Variants in ARHGAP6 observed in about 807,000 individuals in gnomAD.
ARHGAP6 encodes rho GTPase-activating protein 6.
A neutral mutation model predicts 55.7 loss-of-function variants in ARHGAP6; 16 were observed. The observed-to-expected ratio is 0.29, with a 90% CI of 0.19 to 0.44. ARHGAP6 has a LOEUF of 0.44. Ranked by LOEUF, ARHGAP6 falls within the 20% of genes least tolerant of loss-of-function variation. ARHGAP6 has a pLI of 1.00. For missense variants in ARHGAP6, 698 were observed against 808.9 expected, an observed-to-expected ratio of 0.86 and a Z score of 1.66; for synonymous variants, 382 against 360.9, an observed-to-expected ratio of 1.06 and a Z score of -0.66.
intron 1 of ARHGAP6, among the ~76,000 whole-genome samples, chrX:11,366,228 T>A (rs1172255604): frequency 8.9e-6 from 1 of 111,978 alleles, no homozygotes; most frequent in Non-Finnish European, 1.9e-5. Context: ...GTTGAAGAAA[T>A]GTGTAAGTGG....
At chrX:11,155,586 T>G (rs2045853235) in intron 10 of ARHGAP6, among the ~76,000 whole-genome samples, 1 of 111,703 alleles carries the variant, frequency 9.0e-6, no homozygotes, top group Non-Finnish European at 1.9e-5. Flanking sequence ...AGGTACGGGA[T>G]TACGTTAGGA....
At chrX:11,353,522 C>G (rs1314174538) in intron 1 of ARHGAP6, among the ~76,000 whole-genome samples, 1 of 105,914 alleles carries the variant, frequency 9.4e-6, no homozygotes, top group Admixed American at 1.0e-4. Flanking sequence ...TCAGAAACAA[C>G]CTGTCTCAGG....
intron 1 of ARHGAP6, among the ~76,000 whole-genome samples, chrX:11,389,801 G>A (rs769053562): frequency 9.0e-6 from 1 of 111,730 alleles, no homozygotes; most frequent in African/African-American, 3.2e-5. Flanking sequence ...CAAATACAGT[G>A]AGAAATAATA....
intron 1 of ARHGAP6, among the ~76,000 whole-genome samples, chrX:11,260,469 G>T (rs1014353733): frequency 9.0e-6 from 1 of 111,431 alleles, no homozygotes; most frequent in Admixed American, 9.6e-5. Flanking sequence ...CATCACCAAT[G>T]ATTTGTGCTG....
At chrX:11,628,540 A>T (rs1172519625) in intron 1 of ARHGAP6, among the ~76,000 whole-genome samples, 2 of 112,743 alleles carry the variant, frequency 1.8e-5, no homozygotes, top group Non-Finnish European at 3.8e-5. Context: ...ATACGTGCAA[A>T]TGGTAGCAAG....
At chrX:11,256,870 A>G (rs1245616007) in intron 1 of ARHGAP6, among the ~76,000 whole-genome samples, 2 of 111,749 alleles carry the variant, frequency 1.8e-5, no homozygotes, top group African/African-American at 6.5e-5. Context: ...GGAGGAGCTC[A>G]GGGAGGGTGA....
chrX:11,567,564 A>ATATATATAT (rs1320969579), intron 1 of ARHGAP6, among the ~76,000 whole-genome samples: 1 of 64,409 alleles, frequency 1.6e-5, no homozygotes, highest in African/African-American at 6.8e-5. Flanking sequence ...AAAAAAAAAA[A>ATATATATAT]AAATATATAT....
chrX:11,430,537 A>C (rs2049931285), intron 1 of ARHGAP6, among the ~76,000 whole-genome samples: 1 of 112,167 alleles, frequency 8.9e-6, no homozygotes, highest in Non-Finnish European at 1.9e-5. Context: ...AAGGATCTAG[A>C]AGATCATGCA....
Position 11,467,092 on chromosome X carries a change from C to T in ARHGAP6, c.588+197149G>A, listed in dbSNP as rs1050609437. Reference sequence around the variant, plus strand: ...CTCACAGGATTCAGTGGACAAAATGCGAATTCTAGGCTTGCCCATGGTAAC... The same window carrying T: ...CTCACAGGATTCAGTGGACAAAATGTGAATTCTAGGCTTGCCCATGGTAAC... On this transcript the variant is annotated intron_variant, in intron 1 of 12. Transcript: ENST00000337414. Among the ~76,000 whole-genome samples the T allele has an allele frequency of 3.6e-5, 4 of 111,400 alleles. No individual in the cohort carries two copies. The Admixed American group carries it at 3.8e-4, about 11-fold the overall frequency.
At chrX:11,211,736 G>C (rs2046805442) in intron 2 of ARHGAP6, among the ~76,000 whole-genome samples, 1 of 108,866 alleles carries the variant, frequency 9.2e-6, no homozygotes. Flanking sequence ...TAGATAGCAG[G>C]TTTCACCATA....
intron 1 of ARHGAP6, among the ~76,000 whole-genome samples, chrX:11,458,057 T>C (rs1396238602): frequency 1.8e-5 from 2 of 112,143 alleles, no homozygotes; most frequent in African/African-American, 6.5e-5. Context: ...ATCTTTACTT[T>C]GTGATGTGTA....
intron 1 of ARHGAP6, among the ~76,000 whole-genome samples, chrX:11,618,578 C>T (rs1286770588): frequency 8.9e-6 from 1 of 111,861 alleles, no homozygotes; most frequent in Non-Finnish European, 1.9e-5. Flanking sequence ...GTAGATTGTA[C>T]CGAGCTCATG....
At chrX:11,403,084 G>C (rs945912115) in intron 1 of ARHGAP6, among the ~76,000 whole-genome samples, 1 of 111,886 alleles carries the variant, frequency 8.9e-6, no homozygotes, top group South Asian at 3.7e-4. Flanking sequence ...AGTAGAATAC[G>C]GGCAGAGAAC....
rs1402929562 is a variant in ARHGAP6, at chrX:11,518,913, C to A, written c.588+145328G>T. Among the ~76,000 whole-genome samples the A allele has an allele frequency of 3.2e-5, 3 of 92,849 alleles. No individual in the cohort carries two copies. The South Asian group carries it at 1.7e-3, about 54-fold the overall frequency. 80.6% of individuals were successfully genotyped at this position (92,849 alleles called of 115,157 possible). On this transcript the variant is annotated intron_variant, in intron 1 of 12. Coordinates refer to ENST00000337414, the MANE Select transcript of ARHGAP6 (RefSeq NM_013427.3). The stretch of plus-strand genomic sequence containing the variant: ...GGTTTTTTGTTCTTGCGATAGTTTA[C>A]TGAGAATGATGATTTCCAATTTCAT...
intron 1 of ARHGAP6, among the ~76,000 whole-genome samples, chrX:11,481,002 A>G (rs1307050756): frequency 8.9e-6 from 1 of 112,175 alleles, no homozygotes; most frequent in Non-Finnish European, 1.9e-5. Flanking sequence ...TCTTTTAGGC[A>G]ATGATAGTAT....
chrX:11,575,372 C>G (rs1262720648), intron 1 of ARHGAP6, among the ~76,000 whole-genome samples: 4 of 111,894 alleles, frequency 3.6e-5, no homozygotes, highest in Non-Finnish European at 5.6e-5. Flanking sequence ...CAGCAATTAG[C>G]TTCTTGATGC....
chrX:11,432,184 T>C (rs1194592028), intron 1 of ARHGAP6, among the ~76,000 whole-genome samples: 3 of 112,685 alleles, frequency 2.7e-5, no homozygotes, highest in African/African-American at 6.4e-5. Context: ...TTCCTAACTT[T>C]ATGTAAACAG....
intron 1 of ARHGAP6, among the ~76,000 whole-genome samples, chrX:11,358,279 T>C (rs1345525942): frequency 8.9e-6 from 1 of 111,745 alleles, no homozygotes; most frequent in African/African-American, 3.3e-5. Flanking sequence ...TTGATGAACA[T>C]TTGGATTGTT....
chrX:11,387,999 T>A (rs1056485917), intron 1 of ARHGAP6, among the ~76,000 whole-genome samples: 9 of 112,227 alleles, frequency 8.0e-5, no homozygotes, highest in South Asian at 7.4e-4. Flanking sequence ...TTGTGAATAG[T>A]GCTGCAATAA....
Sources: allele counts gnomAD v4.1 joint callset (sites outside exome capture counted in the v4.1 genomes callset), GRCh38; gene constraint gnomAD v4.1.1; transcripts MANE v1.5; gene names NCBI Gene and HGNC (gene_info 2026-07-23, HGNC 2026-07-21).